The following USP50 variants were observed in gnomAD, a reference collection of about 807,000 sequenced individuals.
USP50 encodes the protein ubiquitin carboxyl-terminal hydrolase 50.
USP50 carries 37 observed loss-of-function variants against 39.2 expected under a neutral mutation model. The ratio of observed to expected loss-of-function variants is 0.94; its 90% CI spans 0.73 to 1.24. The LOEUF (loss-of-function observed/expected upper bound fraction) is 1.24, where lower values mean the gene tolerates loss of function less well. USP50 is among the 50% of genes most tolerant of loss of function. The pLI, the probability that USP50 is intolerant of heterozygous loss-of-function variation, is 0.00. For synonymous variants in USP50, 139 were observed against 144.5 expected (o/e 0.96, Z 0.27); for missense variants, 374 against 398.2 (o/e 0.94, Z 0.52).
intron 3 of USP50, 114 bp downstream of exon 3, chr15:50,543,484 A>C (rs2053045719): frequency 9.8e-7 from 1 of 1,024,548 alleles, no homozygotes; most frequent in Non-Finnish European, 1.5e-6. Context: ...GACACCTAGC[A>C]CAGTGCTTGG....
At chr15:50,529,164 G>A (rs1442123031) in intron 6 of USP50, among the ~76,000 whole-genome samples, 1 of 151,956 alleles carries the variant, frequency 6.6e-6, no homozygotes, top group Admixed American at 6.6e-5. Context: ...TGGCTAGTAT[G>A]TACCTACTCT....
intron 4 of USP50, 127 bp from the exon 5 acceptor site, chr15:50,538,978 T>C (rs3101860): frequency 2.0e-6 from 2 of 1,010,256 alleles, no homozygotes; most frequent in Admixed American, 3.3e-5. Context: ...AGTCAACAAA[T>C]CCAGAAGACA....
intron 6 of USP50, chr15:50,509,638 A>G (rs2052713171): frequency 6.6e-6 from 1 of 152,206 alleles, no homozygotes; most frequent in Admixed American, 6.5e-5. Context: ...ACAGAGCGAG[A>G]CTGCGTCTCA....
Position 50,529,856 on chromosome 15 carries a change from T to C in USP50, c.877A>G (p.Thr293Ala). 2 of 1,613,690 alleles carry C rather than the reference T, an allele frequency of 1.2e-6. No individual in the cohort carries two copies. Among genetic ancestry groups the C allele is most frequent in the South Asian group, 2.2e-5 (2 of 91,060 alleles). The change falls in exon 6 of 7, where the codon ACT (threonine) becomes GCT (alanine). Residue 293 changes from threonine to alanine, a missense_variant. Coordinates refer to ENST00000532404, the MANE Select transcript of USP50 (RefSeq NM_203494.5). ...CGGAAAATTGAGCAAATATAAGGAG[T>C]GAGGTCCAAGTTAGTGAGTGGGTAA... ...IHYPLTNLDL[T>A]PYICSIFRKY... is the part of the protein sequence containing the mutation.
intron 6 of USP50, among the ~76,000 whole-genome samples, chr15:50,524,233 C>A (rs1175812115): frequency 1.3e-5 from 2 of 152,176 alleles, no homozygotes; most frequent in African/African-American, 4.8e-5. Context: ...TTGGATGTAA[C>A]CCTAAAAGCA....
At chr15:50,508,738 C>T (rs780892718) in intron 6 of USP50, 1 of 152,074 alleles carries the variant, frequency 6.6e-6, no homozygotes, top group Non-Finnish European at 1.5e-5. Flanking sequence ...TGGTTCATGC[C>T]TATAATCCCT....
downstream of USP50, chr15:50,497,736 G>A (rs892012738): frequency 1.3e-5 from 2 of 152,050 alleles, no homozygotes; most frequent in African/African-American, 4.8e-5. Context: ...TATAAAACAC[G>A]AACCAGATCT....
downstream of USP50, chr15:50,496,969 C>G (rs1289631390): frequency 7.6e-7 from 1 of 1,317,472 alleles, no homozygotes; most frequent in African/African-American, 1.5e-5. Context: ...GGCAGGAACT[C>G]TTTTGTGTAG....
intron 6 of USP50, among the ~76,000 whole-genome samples, chr15:50,526,107 G>A (rs544144380): frequency 9.9e-5 from 15 of 152,156 alleles, no homozygotes; most frequent in Admixed American, 3.3e-4. Context: ...TGCTTAGGCC[G>A]GAGCGCAGTG....
intron 6 of USP50, among the ~76,000 whole-genome samples, chr15:50,528,280 CTT>C (rs5812519): frequency 6.8e-6 from 1 of 146,652 alleles, no homozygotes. Flanking sequence ...CACATAATTA[CTT>C]TTTTTTTTTT....
chr15:50,505,228 A>G (rs1230670920), intron 6 of USP50: 1 of 152,168 alleles, frequency 6.6e-6, no homozygotes, highest in African/African-American at 2.4e-5. Flanking sequence ...GCCAGGGATA[A>G]ATAAAAATAA....
At chr15:50,494,371 G>T in intron 1 of USP50, 1 of 1,087,508 alleles carries the variant, frequency 9.2e-7, no homozygotes. Flanking sequence ...TCTAGTTGGT[G>T]ATAGTTCAGT....
At chr15:50,523,855 C>G (rs1271289734) in intron 6 of USP50, among the ~76,000 whole-genome samples, 1 of 152,200 alleles carries the variant, frequency 6.6e-6, no homozygotes, top group East Asian at 1.9e-4. Flanking sequence ...AAGCTGGATG[C>G]ATCGCACTCC....
rs2053072443 is a variant in USP50 at position 50,546,515 on chromosome 15, T to TGAGA, written c.7_10dup (p.Gln4LeufsTer9). The TGAGA allele has an allele frequency of 1.2e-6, 2 of 1,613,716 alleles. No individual in the cohort carries two copies. The highest frequency in any genetic ancestry group is 1.7e-6 in the Non-Finnish European group (2 of 1,179,644). On this transcript the variant is annotated frameshift_variant, in exon 1 of 7. Coordinates refer to ENST00000532404, the MANE Select transcript of USP50 (RefSeq NM_203494.5). LOFTEE classifies it high-confidence loss of function. ...GAAGTCATCTGCAGGGAGAGACGGC[T>TGAGA]GAGAAGTCATTTTAATGGAACCACG...
intron 5 of USP50, 51 bp from the exon 6 acceptor site, chr15:50,529,980 A>T: frequency 6.2e-7 from 1 of 1,604,820 alleles, no homozygotes; most frequent in Non-Finnish European, 8.5e-7. Flanking sequence ...TGAACCACTC[A>T]TTTGTCTACA....
chr15:50,508,399 T>C (rs1455901724), intron 6 of USP50: 5 of 152,202 alleles, frequency 3.3e-5, no homozygotes, highest in Non-Finnish European at 7.3e-5. Flanking sequence ...AGCAAGCTAG[T>C]TGATGGATGC....
chr15:50,524,732 G>GTA (rs1288047009), intron 6 of USP50, among the ~76,000 whole-genome samples: 1 of 152,176 alleles, frequency 6.6e-6, no homozygotes, highest in Non-Finnish European at 1.5e-5. Context: ...AACTAAGCCA[G>GTA]GTGTGGTAAC....
At chr15:50,535,341 A>T (rs1184106656) in intron 5 of USP50, among the ~76,000 whole-genome samples, 4 of 152,218 alleles carry the variant, frequency 2.6e-5, no homozygotes, top group African/African-American at 9.6e-5. Flanking sequence ...TCTTTCACCC[A>T]ACAACAGCAG....
chr15:50,535,697 T>G (rs970682235), intron 5 of USP50, among the ~76,000 whole-genome samples: 1 of 152,164 alleles, frequency 6.6e-6, no homozygotes, highest in Non-Finnish European at 1.5e-5. Flanking sequence ...GAGAATCTCT[T>G]GAGCCCAGGA....
Sources: gnomAD v4.1 joint callset for allele counts (sites outside exome capture counted in the v4.1 genomes callset) on GRCh38, gnomAD v4.1.1 for gene constraint, MANE v1.5 for transcripts, NCBI Gene and HGNC (gene_info 2026-07-23, HGNC 2026-07-21) for gene names.